The following GNAQ variants were observed in gnomAD, a reference collection of about 807,000 sequenced individuals.
GNAQ encodes guanine nucleotide-binding protein G(q) subunit alpha.
GNAQ carries 8 observed loss-of-function variants against 43.9 expected under a neutral mutation model. The ratio of observed to expected loss-of-function variants is 0.18; its 90% CI spans 0.11 to 0.33. The LOEUF is 0.33. GNAQ is among the 10% of genes least tolerant of loss of function. The probability of loss-of-function intolerance (pLI) is 1.00; values close to 1 mark genes in which losing one functional copy is unlikely to be tolerated. For missense variants in GNAQ, 158 were observed against 450.8 expected, an observed-to-expected ratio of 0.35 and a Z score of 5.88; for synonymous variants, 155 against 170.7, an observed-to-expected ratio of 0.91 and a Z score of 0.71.
At chr9:77,849,101 CT>C (rs1287126063) in intron 2 of GNAQ, among the ~76,000 whole-genome samples, 1 of 152,110 alleles carries the variant, frequency 6.6e-6, no homozygotes, top group Non-Finnish European at 1.5e-5. Flanking sequence ...AAGTGCATTG[CT>C]CAACATGCTG....
chr9:77,735,721 G>C (rs1297049466), intron 5 of GNAQ, among the ~76,000 whole-genome samples: 1 of 152,220 alleles, frequency 6.6e-6, no homozygotes, highest in Admixed American at 6.5e-5. Context: ...GAATTCACAT[G>C]AATCTGCTGT....
chr9:77,952,102 A>T (rs905676738), intron 1 of GNAQ, among the ~76,000 whole-genome samples: 8 of 152,258 alleles, frequency 5.3e-5, no homozygotes, highest in African/African-American at 1.9e-4. Flanking sequence ...TTTCCTGGGA[A>T]GCCTGAAATT....
rs576373442 is a variant in GNAQ at position 77,820,918 on chromosome 9, C to T, written c.322-5148G>A. Reference sequence around the variant, plus strand: ...AGAGATGTTTCTAAAATGCCTAGTACAAAATATTATAATTACTATGAAATC... The same window carrying T: ...AGAGATGTTTCTAAAATGCCTAGTATAAAATATTATAATTACTATGAAATC... On this transcript the variant is annotated intron_variant, in intron 2 of 6. Coordinates refer to ENST00000286548, the MANE Select transcript of GNAQ (RefSeq NM_002072.5). Among the ~76,000 whole-genome samples, 3 of 152,092 alleles carry T rather than the reference C, an allele frequency of 2.0e-5. No individual in the cohort carries two copies. The South Asian group carries it at 6.2e-4, about 32-fold the overall frequency.
intron 5 of GNAQ, among the ~76,000 whole-genome samples, chr9:77,762,293 G>A (rs1826050054): frequency 6.8e-6 from 1 of 146,670 alleles, no homozygotes; most frequent in Admixed American, 6.7e-5. Context: ...GTCCGGGAGG[G>A]AGGTGGGGGG....
chr9:77,998,983 TC>T (rs1394440784), intron 1 of GNAQ, among the ~76,000 whole-genome samples: 4 of 149,450 alleles, frequency 2.7e-5, no homozygotes, highest in Non-Finnish European at 5.9e-5. Context: ...CCCAGCTACT[TC>T]GGGGGGCTGA....
chr9:77,906,211 TA>T (rs1223388066), intron 2 of GNAQ, among the ~76,000 whole-genome samples: 1 of 152,224 alleles, frequency 6.6e-6, no homozygotes, highest in Non-Finnish European at 1.5e-5. Context: ...GAAAATATCT[TA>T]ATCTCTGGAA....
chr9:77,830,638 A>T (rs1587936155), intron 2 of GNAQ, among the ~76,000 whole-genome samples: 1 of 152,210 alleles, frequency 6.6e-6, no homozygotes, highest in Non-Finnish European at 1.5e-5. Context: ...AAGGGGCTGA[A>T]GTGGCAGCCT....
intron 1 of GNAQ, among the ~76,000 whole-genome samples, chr9:77,985,144 A>G (rs542125225): frequency 2.9e-4 from 44 of 152,270 alleles, no homozygotes; most frequent in Non-Finnish European, 4.4e-4. Context: ...CTCCGTCTCT[A>G]CTAAAAATAC....
chr9:77,888,409 G>GAAA (rs1828345458), intron 2 of GNAQ, among the ~76,000 whole-genome samples: 1 of 152,078 alleles, frequency 6.6e-6, no homozygotes. Context: ...TGTTCCCAGA[G>GAAA]AAAACATCTA....
intron 2 of GNAQ, among the ~76,000 whole-genome samples, chr9:77,837,918 G>A (rs1475232322): frequency 6.9e-6 from 1 of 144,104 alleles, no homozygotes. Flanking sequence ...GTGTGATCTC[G>A]GCTCACTGCA....
At chr9:77,899,779 C>A (rs1382694996) in intron 2 of GNAQ, among the ~76,000 whole-genome samples, 1 of 152,042 alleles carries the variant, frequency 6.6e-6, no homozygotes, top group Non-Finnish European at 1.5e-5. Flanking sequence ...GGCGTCTCTG[C>A]ACTTTTATGA....
intron 1 of GNAQ, among the ~76,000 whole-genome samples, chr9:78,010,695 A>T (rs1823763382): frequency 6.6e-6 from 1 of 152,162 alleles, no homozygotes; most frequent in Admixed American, 6.5e-5. Flanking sequence ...AAAATGTAGA[A>T]AGAAAAACCT....
At chr9:78,005,032 T>C (rs1352531456) in intron 1 of GNAQ, among the ~76,000 whole-genome samples, 2 of 152,076 alleles carry the variant, frequency 1.3e-5, no homozygotes, top group East Asian at 1.9e-4. Context: ...AATTAATGGT[T>C]TGGAGAGATG....
chr9:78,011,670 C>T (rs533639588), intron 1 of GNAQ, among the ~76,000 whole-genome samples: 1 of 152,176 alleles, frequency 6.6e-6, no homozygotes, highest in Non-Finnish European at 1.5e-5. Flanking sequence ...ATAGCAGGTA[C>T]TTCATTCATT....
In GNAQ at chr9:77,938,385, T is replaced by C. The variant is rs539421915; in HGVS notation, c.137-16040A>G. On this transcript the variant is annotated intron_variant, in intron 1 of 6. Transcript: ENST00000286548. ...AGATCCAACAGCCTATGAGATGCTA[T>C]TGAAAAGTTCTGAGCAGGTAAGAAC... 3.9e-5 allele frequency among the ~76,000 whole-genome samples: 6 copies of C among 152,314 alleles called. No individual in the cohort carries two copies. The South Asian group carries it at 1.0e-3, about 26-fold the overall frequency.
At chr9:77,907,186 T>C (rs1398883661) in intron 2 of GNAQ, among the ~76,000 whole-genome samples, 1 of 152,200 alleles carries the variant, frequency 6.6e-6, no homozygotes, top group Admixed American at 6.5e-5. Flanking sequence ...TTCCAATCAC[T>C]TTCTTGATTT....
At chr9:77,961,903 T>G (rs998010885) in intron 1 of GNAQ, among the ~76,000 whole-genome samples, 1 of 152,140 alleles carries the variant, frequency 6.6e-6, no homozygotes, top group Non-Finnish European at 1.5e-5. Flanking sequence ...GGATGTTTTT[T>G]AAAAAGCAGT....
At chr9:77,916,614 C>T (rs1828910021) in intron 2 of GNAQ, among the ~76,000 whole-genome samples, 1 of 152,130 alleles carries the variant, frequency 6.6e-6, no homozygotes, top group South Asian at 2.1e-4. Context: ...GCAATACATC[C>T]TCTCATAACC....
chr9:77,903,731 A>T (rs1828652606), intron 2 of GNAQ, among the ~76,000 whole-genome samples: 1 of 152,104 alleles, frequency 6.6e-6, no homozygotes, highest in Non-Finnish European at 1.5e-5. Flanking sequence ...ATGTGTGTAT[A>T]TATACATATA....
Sources: gnomAD v4.1 joint callset for allele counts (sites outside exome capture counted in the v4.1 genomes callset) on GRCh38, gnomAD v4.1.1 for gene constraint, MANE v1.5 for transcripts, NCBI Gene and HGNC (gene_info 2026-07-23, HGNC 2026-07-21) for gene names.